Variants in GUCY1B1 observed in about 807,000 individuals in gnomAD.
GUCY1B1 encodes guanylate cyclase 1 soluble subunit beta 1.
Under a neutral mutation model 71.0 loss-of-function variants are expected in GUCY1B1, and 43 were observed. That is an observed-to-expected ratio of 0.61 (90% CI 0.47 to 0.78). The LOEUF (loss-of-function observed/expected upper bound fraction) is 0.78. Ranked by LOEUF, GUCY1B1 falls within the 30% of genes least tolerant of loss-of-function variation. The probability of loss-of-function intolerance (pLI) is 0.00; values close to 1 mark genes in which losing one functional copy is unlikely to be tolerated. For synonymous variants in GUCY1B1, 266 were observed against 259.7 expected (o/e 1.02, Z -0.23); for missense variants, 535 against 754.1 (o/e 0.71, Z 3.40).
At chr4:155,771,021 T>A (rs745669445) in intron 2 of GUCY1B1, among the ~76,000 whole-genome samples, 1 of 152,216 alleles carries the variant, frequency 6.6e-6, no homozygotes, top group Non-Finnish European at 1.5e-5. Context: ...CTTTTGTTCA[T>A]TGATATATTA....
chr4:155,776,202 T>G (rs578092652), intron 3 of GUCY1B1, among the ~76,000 whole-genome samples: 5 of 152,312 alleles, frequency 3.3e-5, no homozygotes, highest in African/African-American at 1.2e-4. Context: ...CAATTTTGCC[T>G]CATGAAAGCC....
chr4:155,804,492 C>T (rs1740176512), intron 11 of GUCY1B1, 101 bp from the exon 12 acceptor site: 1 of 854,302 alleles, frequency 1.2e-6, no homozygotes, highest in African/African-American at 1.7e-5. Flanking sequence ...AACAAACCTG[C>T]ACCTTCTGCA....
chr4:155,792,567 A>T (rs1739253349), intron 5 of GUCY1B1, among the ~76,000 whole-genome samples: 1 of 152,022 alleles, frequency 6.6e-6, no homozygotes, highest in Non-Finnish European at 1.5e-5. Context: ...ATCTAAAAGA[A>T]TATATACAAT....
intron 2 of GUCY1B1, among the ~76,000 whole-genome samples, chr4:155,765,600 T>A (rs1212418367): frequency 6.6e-6 from 1 of 152,214 alleles, no homozygotes; most frequent in African/African-American, 2.4e-5. Flanking sequence ...TACTGTGGCT[T>A]TGGTTCTGTT....
intron 4 of GUCY1B1, among the ~76,000 whole-genome samples, chr4:155,778,279 A>G (rs1258674336): frequency 6.6e-6 from 1 of 152,366 alleles, no homozygotes; most frequent in East Asian, 1.9e-4. Flanking sequence ...TTACCTTAAA[A>G]GATTGTACTA....
At chr4:155,776,122 A>G (rs941399881) in intron 3 of GUCY1B1, among the ~76,000 whole-genome samples, 2 of 152,216 alleles carry the variant, frequency 1.3e-5, no homozygotes, top group African/African-American at 4.8e-5. Context: ...TAGTGTAATG[A>G]TGGAGTACAG....
chr4:155,774,016 G>C lies in GUCY1B1; in HGVS notation c.78-952G>C, dbSNP rs1269247136. Among the ~76,000 whole-genome samples, 3 of 152,124 alleles carry C rather than the reference G, an allele frequency of 2.0e-5. No individual in the cohort carries two copies. In the East Asian group the frequency reaches 5.8e-4, roughly 29 times the overall value. ...AACACTTCTTACCTGAATGTTGGCA[G>C]CAGCCTCCTAACTGGTCTCCCTCCT... is the stretch of plus-strand genomic sequence containing the variant. On this transcript the variant is annotated intron_variant, in intron 2 of 13. Coordinates refer to ENST00000264424, the MANE Select transcript of GUCY1B1 (RefSeq NM_000857.5).
chr4:155,759,913 GC>G (rs995580408), intron 2 of GUCY1B1, 53 bp downstream of exon 2: 6 of 1,326,280 alleles, frequency 4.5e-6, no homozygotes, highest in African/African-American at 1.4e-5. Flanking sequence ...AGTGTGGGAG[GC>G]CCCCCGCGCC....
chr4:155,772,661 C>A, intron 2 of GUCY1B1: 1 of 701,250 alleles, frequency 1.4e-6, no homozygotes. Context: ...CTCAACGGAT[C>A]CTCCCACCTG....
chr4:155,773,433 T>C lies in GUCY1B1; in HGVS notation c.78-1535T>C, dbSNP rs1041973197. Among the ~76,000 whole-genome samples the C allele has an allele frequency of 5.9e-5, 9 of 152,334 alleles. No individual in the cohort carries two copies. In the East Asian group the frequency reaches 1.7e-3, roughly 29 times the overall value. On this transcript the variant is annotated intron_variant, in intron 2 of 13. Coordinates refer to ENST00000264424, the MANE Select transcript of GUCY1B1 (RefSeq NM_000857.5). ...TGACAACTTTTAAAAACAATTATAA[T>C]TTTCTTTCACTAGTACTGTGTATGT...
chr4:155,790,182 C>A (rs1739061913), intron 5 of GUCY1B1, among the ~76,000 whole-genome samples: 1 of 152,138 alleles, frequency 6.6e-6, no homozygotes, highest in African/African-American at 2.4e-5. Flanking sequence ...TGTGAACACA[C>A]ACCAGCTGGG....
intron 2 of GUCY1B1, among the ~76,000 whole-genome samples, 178 bp downstream of exon 2, chr4:155,760,038 G>A (rs1315743652): frequency 6.6e-6 from 1 of 152,112 alleles, no homozygotes; most frequent in Admixed American, 6.5e-5. Flanking sequence ...ACTGGAACCA[G>A]GAGGGGAGGG....
chr4:155,784,401 A>G (rs900879585), intron 4 of GUCY1B1, among the ~76,000 whole-genome samples: 1 of 152,120 alleles, frequency 6.6e-6, no homozygotes, highest in Non-Finnish European at 1.5e-5. Context: ...GTTCCATTTT[A>G]CTTAGGTCGA....
intron 4 of GUCY1B1, among the ~76,000 whole-genome samples, chr4:155,788,741 A>T (rs1738963115): frequency 6.6e-6 from 1 of 152,186 alleles, no homozygotes. Context: ...CGAATTGGCT[A>T]CCTTCCTATG....
intron 13 of GUCY1B1, among the ~76,000 whole-genome samples, chr4:155,805,658 T>C (rs1740263385): frequency 6.6e-6 from 1 of 152,190 alleles, no homozygotes; most frequent in Non-Finnish European, 1.5e-5. Context: ...AAGATCCTTT[T>C]AAGGGGCAGG....
intron 7 of GUCY1B1, 93 bp downstream of exon 7, chr4:155,795,550 A>G: frequency 3.2e-6 from 2 of 630,956 alleles, no homozygotes; most frequent in Non-Finnish European, 2.8e-6. Context: ...CTGAGAAAGT[A>G]TAGAGAGATA....
At chr4:155,794,204 A>C (rs1579243178) in intron 6 of GUCY1B1, 118 bp downstream of exon 6, 1 of 586,550 alleles carries the variant, frequency 1.7e-6, no homozygotes, top group South Asian at 2.6e-5. Flanking sequence ...TATGCAGTTT[A>C]TTGTAAGTTA....
rs889575312 is a variant in GUCY1B1 at position 155,777,579 on chromosome 4, C to T, written c.234C>T (p.Cys78=). 6.2e-7 allele frequency: 1 copy of T among 1,610,594 alleles called. No individual in the cohort carries two copies. Among genetic ancestry groups the T allele is most frequent in the Non-Finnish European group, 8.5e-7 (1 of 1,177,010 alleles). The change falls in exon 4 of 14, where the codon TGC becomes TGT. Residue 78 remains cysteine (C), a synonymous_variant. Coordinates refer to ENST00000264424, the MANE Select transcript of GUCY1B1 (RefSeq NM_000857.5). ...TTGGGAAGATGTTTTTCGTCTTTTG[C>T]CAAGAATCTGGTTATGATACAATCT... is the stretch of plus-strand genomic sequence containing the variant. ...QMFGKMFFVF[C]QESGYDTILR...
intron 4 of GUCY1B1, among the ~76,000 whole-genome samples, chr4:155,778,233 G>A (rs1738189792): frequency 6.6e-6 from 1 of 152,174 alleles, no homozygotes; most frequent in African/African-American, 2.4e-5. Context: ...GTTAAATAAT[G>A]CAATCACAGG....
Sources: gnomAD v4.1 joint callset for allele counts (sites outside exome capture counted in the v4.1 genomes callset) on GRCh38, gnomAD v4.1.1 for gene constraint, MANE v1.5 for transcripts, NCBI Gene and HGNC (gene_info 2026-07-23, HGNC 2026-07-21) for gene names.